The following CLASP2 variants were observed in gnomAD, a reference collection of about 807,000 sequenced individuals.
CLASP2 encodes the protein CLIP-associating protein 2.
Under a neutral mutation model 194.4 loss-of-function variants are expected in CLASP2, and 47 were observed. The observed-to-expected ratio is 0.24, with a 90% CI of 0.19 to 0.31. CLASP2 has a LOEUF of 0.31. CLASP2 is among the 10% of genes least tolerant of loss of function. The probability of loss-of-function intolerance (pLI) is 1.00; values close to 1 mark genes in which losing one functional copy is unlikely to be tolerated. For missense variants in CLASP2, 1,445 were observed against 1,823.6 expected, an observed-to-expected ratio of 0.79 and a Z score of 3.78; for synonymous variants, 619 against 633.5, an observed-to-expected ratio of 0.98 and a Z score of 0.34.
Position 33,538,962 on chromosome 3 carries a change from A to C in CLASP2, c.3405-20T>G, listed in dbSNP as rs956212765. The C allele has an allele frequency of 5.9e-6, 9 of 1,533,732 alleles. No homozygotes were observed. The African/African-American group carries it at 9.7e-5, about 17-fold the overall frequency. On this transcript the variant is annotated intron_variant, in intron 32 of 38. Coordinates refer to ENST00000682230, the MANE Select transcript of CLASP2 (RefSeq NM_001365631.1). ...AATGCACTATGAAAAAGACGACACT[A>C]ATTTTTACTTAGGTGTAGTTTTAAA...
intron 1 of CLASP2, among the ~76,000 whole-genome samples, chr3:33,698,248 G>A (rs1292684589): frequency 2.0e-5 from 3 of 151,998 alleles, no homozygotes; most frequent in Non-Finnish European, 4.4e-5. Flanking sequence ...TACGCCTAAG[G>A]CACAGGTAAA....
intron 34 of CLASP2, among the ~76,000 whole-genome samples, chr3:33,520,591 TGAG>T (rs1408021235): frequency 1.3e-5 from 2 of 152,056 alleles, no homozygotes; most frequent in Non-Finnish European, 2.9e-5. Context: ...CCTAGCAGGA[TGAG>T]GAGTAGATCT....
rs778539851 is a variant in CLASP2 at position 33,696,840 on chromosome 3, A to G, written c.274+15T>C. 1 of 1,510,894 alleles carries G rather than the reference A, an allele frequency of 6.6e-7. No individual in the cohort carries two copies. The highest frequency in any genetic ancestry group is 2.3e-5 in the East Asian group (1 of 43,148). The allele number at this position is 1,510,894 out of a possible 1,614,324, so 93.6% of individuals were successfully genotyped here. A position where few individuals can be genotyped will look rare whatever the true frequency, so the allele number is the denominator to read the frequency against. The stretch of plus-strand genomic sequence containing the variant: ...AAATCTTATTTAGAATTGTAAATAA[A>G]CAAAGTTAACTTACCCATTGCTACA... On this transcript the variant is annotated intron_variant, in intron 2 of 38. Coordinates refer to ENST00000682230, the MANE Select transcript of CLASP2 (RefSeq NM_001365631.1).
At chr3:33,568,040 G>C (rs998139494) in intron 26 of CLASP2, among the ~76,000 whole-genome samples, 1 of 152,002 alleles carries the variant, frequency 6.6e-6, no homozygotes, top group African/African-American at 2.4e-5. Flanking sequence ...GTATATGAAG[G>C]AAAAAAAGTT....
intron 37 of CLASP2, among the ~76,000 whole-genome samples, chr3:33,505,801 C>G (rs1203948613): frequency 6.6e-6 from 1 of 152,146 alleles, no homozygotes; most frequent in Non-Finnish European, 1.5e-5. Context: ...TGCCTGTAAT[C>G]CCAACACTTT....
chr3:33,639,681 G>A (rs1458416460), intron 8 of CLASP2, among the ~76,000 whole-genome samples: 1 of 151,990 alleles, frequency 6.6e-6, no homozygotes, highest in East Asian at 1.9e-4. Context: ...CAAATCATAC[G>A]TACTGTATAA....
chr3:33,533,683 A>G (rs1046374208), intron 34 of CLASP2, among the ~76,000 whole-genome samples: 1 of 152,154 alleles, frequency 6.6e-6, no homozygotes, highest in Non-Finnish European at 1.5e-5. Flanking sequence ...GAGCAATTCC[A>G]TCTCTAGAAA....
chr3:33,632,243 G>A (rs2079221717), intron 9 of CLASP2, 49 bp downstream of exon 9: 1 of 1,162,772 alleles, frequency 8.6e-7, no homozygotes, highest in Non-Finnish European at 1.2e-6. Context: ...ATAATTATAT[G>A]AACAGGCACA....
chr3:33,510,835 T>C (rs1481257819), intron 36 of CLASP2, 71 bp from the exon 37 acceptor site: 6 of 1,301,522 alleles, frequency 4.6e-6, no homozygotes, highest in South Asian at 2.7e-5. Context: ...AAGTATAAAC[T>C]TCATGAAGTA....
chr3:33,509,066 T>C (rs140021024), intron 37 of CLASP2, among the ~76,000 whole-genome samples: 4 of 152,298 alleles, frequency 2.6e-5, no homozygotes, highest in African/African-American at 7.2e-5. Flanking sequence ...TGTTACTGAG[T>C]TGATACTGAT....
chr3:33,507,658 T>A (rs956373350), intron 37 of CLASP2, among the ~76,000 whole-genome samples: 5 of 152,048 alleles, frequency 3.3e-5, no homozygotes, highest in East Asian at 2.0e-4. Flanking sequence ...ATTTTTAAAA[T>A]TTTTTTGTAG....
At chr3:33,565,966 A>T (rs950324510) in intron 27 of CLASP2, among the ~76,000 whole-genome samples, 2 of 152,178 alleles carry the variant, frequency 1.3e-5, no homozygotes, top group Non-Finnish European at 2.9e-5. Context: ...TCTATTGCAC[A>T]GGCGTCTGTG....
intron 5 of CLASP2, among the ~76,000 whole-genome samples, chr3:33,685,456 A>G (rs1312558490): frequency 6.6e-6 from 1 of 151,998 alleles, no homozygotes; most frequent in African/African-American, 2.4e-5. Flanking sequence ...TCCTGTATTA[A>G]GACTGCATTT....
chr3:33,568,277 G>A (rs1294388084), intron 26 of CLASP2, among the ~76,000 whole-genome samples: 2 of 152,016 alleles, frequency 1.3e-5, no homozygotes, highest in African/African-American at 2.4e-5. Flanking sequence ...ACATGGTCAG[G>A]CATGGTGGCT....
chr3:33,562,701 T>C (rs564673613), intron 27 of CLASP2, among the ~76,000 whole-genome samples: 1 of 152,348 alleles, frequency 6.6e-6, no homozygotes, highest in East Asian at 1.9e-4. Context: ...TCTATGCTCC[T>C]GAAGATTACA....
rs2045871044 is a variant in CLASP2 at position 33,496,979 on chromosome 3, T to C, written c.*1652A>G. 1 of 152,600 alleles carries C rather than the reference T, an allele frequency of 6.6e-6. No individual in the cohort carries two copies. Among genetic ancestry groups the C allele is most frequent in the South Asian group, 2.1e-4 (1 of 4,826 alleles). 9.5% of individuals were successfully genotyped at this position (152,600 alleles called of 1,614,324 possible). On this transcript the variant is annotated 3_prime_UTR_variant, in exon 39 of 39. Transcript: ENST00000682230. Reference sequence around the variant, plus strand: ...TTGTTACACAGTGAGACAGAAAAACTGATATACATTATTAACTTTTTCAAG... The same window carrying C: ...TTGTTACACAGTGAGACAGAAAAACCGATATACATTATTAACTTTTTCAAG...
chr3:33,627,174 AGTTTAT>A (rs1162472773), intron 9 of CLASP2, 94 bp from the exon 10 acceptor site: 2 of 387,382 alleles, frequency 5.2e-6, no homozygotes, highest in Non-Finnish European at 9.3e-6. Flanking sequence ...TCACCTATTA[AGTTTAT>A]TTCCCATTCT....
intron 22 of CLASP2, among the ~76,000 whole-genome samples, chr3:33,583,850 T>C (rs2066713141): frequency 6.6e-6 from 1 of 152,166 alleles, no homozygotes; most frequent in South Asian, 2.1e-4. Context: ...ACGGATCAAG[T>C]AGCAGCTATC....
chr3:33,672,576 CG>C (rs1396866732), intron 6 of CLASP2, among the ~76,000 whole-genome samples: 1 of 152,164 alleles, frequency 6.6e-6, no homozygotes, highest in Non-Finnish European at 1.5e-5. Context: ...TCACCAGCAA[CG>C]GAACAAAGCT....
Sources: gnomAD v4.1 joint callset for allele counts (sites outside exome capture counted in the v4.1 genomes callset) on GRCh38, gnomAD v4.1.1 for gene constraint, MANE v1.5 for transcripts, NCBI Gene and HGNC (gene_info 2026-07-23, HGNC 2026-07-21) for gene names.